MMS22L: variants seen among roughly 807,000 people sequenced by gnomAD.
MMS22L encodes the protein MMS22 like, DNA repair protein.
In MMS22L, 74 loss-of-function variants were observed where a neutral mutation model predicts 159.1. That is an observed-to-expected ratio of 0.47 (90% CI 0.39 to 0.56). The LOEUF is 0.56. MMS22L is among the 20% of genes least tolerant of loss of function. The pLI is 0.00. For missense variants in MMS22L, 1,351 were observed against 1,422.1 expected, an observed-to-expected ratio of 0.95 and a Z score of 0.80; for synonymous variants, 517 against 506.9, an observed-to-expected ratio of 1.02 and a Z score of -0.27.
At chr6:97,232,447 G>A (rs1208981892) in intron 12 of MMS22L, among the ~76,000 whole-genome samples, 1 of 152,094 alleles carries the variant, frequency 6.6e-6, no homozygotes, top group Non-Finnish European at 1.5e-5. Context: ...AGAATTAGGT[G>A]TTTCTTTTTT....
chr6:97,263,250 T>C (rs1814689553), intron 9 of MMS22L, 85 bp downstream of exon 9: 3 of 821,178 alleles, frequency 3.7e-6, no homozygotes, highest in East Asian at 2.7e-5. Context: ...AAAAAGGAAG[T>C]TAAGATTTTT....
chr6:97,149,038 T>A (rs1801064718), intron 24 of MMS22L, among the ~76,000 whole-genome samples: 1 of 152,218 alleles, frequency 6.6e-6, no homozygotes, highest in Admixed American at 6.5e-5. Context: ...CAGTAACATG[T>A]TATACAAGTT....
chr6:97,194,151 G>A, intron 14 of MMS22L, among the ~76,000 whole-genome samples: 1 of 152,054 alleles, frequency 6.6e-6, no homozygotes, highest in East Asian at 1.9e-4. Context: ...TCCACCTCCT[G>A]GGTTCAAGCA....
intron 20 of MMS22L, 143 bp downstream of exon 20, chr6:97,167,928 T>C (rs977470971): frequency 1.2e-5 from 9 of 767,302 alleles, no homozygotes; most frequent in Non-Finnish European, 1.8e-5. Context: ...TAAAAGCAAT[T>C]TAAAATATGT....
chr6:97,151,116 C>T (rs1278497509), intron 23 of MMS22L, among the ~76,000 whole-genome samples: 1 of 152,158 alleles, frequency 6.6e-6, no homozygotes, highest in Admixed American at 6.6e-5. Context: ...GTCTGAAGGC[C>T]TGTGTACCTG....
In MMS22L at chr6:97,239,287, C is replaced by A. The variant is rs189138552; in HGVS notation, c.1183-5307G>T. The stretch of plus-strand genomic sequence containing the variant: ...AAAAATCAAAATAATTTTTTAAAAT[C>A]AGGCTTACTTTTTAAATACCCTTCC... On this transcript the variant is annotated intron_variant, in intron 11 of 24. Transcript: ENST00000683635. Among the ~76,000 whole-genome samples, 361 of 152,280 alleles carry A rather than the reference C, an allele frequency of 2.4e-3. 2 individuals are homozygous for A. Among genetic ancestry groups the A allele is most frequent in the Admixed American group, 4.3e-3 (65 of 15,292 alleles).
chr6:97,161,073 C>T lies in MMS22L; in HGVS notation c.3385+929G>A, dbSNP rs1485858376. ...ATCTGACTGCTCTCACTGGCAGTTC[C>T]TGTGGCCTGCTTTTATTCTCAGTAT... is the stretch of plus-strand genomic sequence containing the variant. On this transcript the variant is annotated intron_variant, in intron 22 of 24. Coordinates refer to ENST00000683635, the MANE Select transcript of MMS22L (RefSeq NM_001350599.2). Among the ~76,000 whole-genome samples the T allele has an allele frequency of 5.9e-5, 9 of 152,128 alleles. No individual in the cohort carries two copies. In the East Asian group the frequency reaches 1.4e-3, roughly 23 times the overall value.
intron 3 of MMS22L, among the ~76,000 whole-genome samples, chr6:97,279,167 C>A (rs1379688606): frequency 1.3e-5 from 2 of 152,176 alleles, no homozygotes; most frequent in Admixed American, 1.3e-4. Flanking sequence ...TAGCCTTCAC[C>A]ATCAGCAAGA....
intron 19 of MMS22L, among the ~76,000 whole-genome samples, chr6:97,168,528 C>T (rs572658385): frequency 3.3e-5 from 5 of 152,072 alleles, no homozygotes; most frequent in Middle Eastern, 3.4e-3. Context: ...AAATCTGAAA[C>T]GCTCCAAAAT....
At chr6:97,269,838 T>C (rs918293715) in intron 7 of MMS22L, 64 bp downstream of exon 7, 22 of 1,191,916 alleles carry the variant, frequency 1.8e-5, no homozygotes, top group Admixed American at 4.2e-5. Flanking sequence ...ATTACTTATG[T>C]AATTTTAAAA....
Position 97,280,714 on chromosome 6 carries a change from G to C in MMS22L, c.290+523C>G, listed in dbSNP as rs571032055. Reference sequence around the variant, plus strand: ...CCTAGGATTTCCTTACAAATACTTAGGCCAAAAGAAGAGGAGACAAGACAG... The same window carrying C: ...CCTAGGATTTCCTTACAAATACTTACGCCAAAAGAAGAGGAGACAAGACAG... On this transcript the variant is annotated intron_variant, in intron 3 of 24. Transcript: ENST00000683635. Among the ~76,000 whole-genome samples the C allele has an allele frequency of 7.9e-5, 12 of 152,162 alleles. No individual in the cohort carries two copies. The East Asian group carries it at 2.3e-3, about 29-fold the overall frequency.
At chr6:97,279,744 C>A (rs954169053) in intron 3 of MMS22L, among the ~76,000 whole-genome samples, 2 of 151,354 alleles carry the variant, frequency 1.3e-5, no homozygotes, top group Non-Finnish European at 2.9e-5. Flanking sequence ...CAAGATCACC[C>A]CACTGCACTC....
At chr6:97,265,680 C>T (rs145925893) in intron 8 of MMS22L, 1 of 149,956 alleles carries the variant, frequency 6.7e-6, no homozygotes, top group Non-Finnish European at 1.5e-5. Context: ...AACCCAATTA[C>T]AAAATTGGCA....
rs780383103 is a variant in MMS22L, at chr6:97,269,996, T to C, written c.607-4A>G. 5.6e-6 allele frequency: 9 copies of C among 1,606,732 alleles called. No homozygotes were observed. The African/African-American group carries it at 8.0e-5, about 14-fold the overall frequency. On this transcript the variant is annotated splice_polypyrimidine_tract_variant and splice_region_variant and intron_variant, in intron 6 of 24. Transcript: ENST00000683635. ...AATGCCATGACGGTGGAAAAAGCTG[T>C]GGATGACATTATCAACTGTGATTGA...
At chr6:97,186,415 GTT>G in intron 15 of MMS22L, 80 bp downstream of exon 15, 1 of 1,195,540 alleles carries the variant, frequency 8.4e-7, no homozygotes, top group South Asian at 1.6e-5. Flanking sequence ...CTATACAAGA[GTT>G]TGTTACTAAG....
chr6:97,279,043 A>G (rs1816503975), intron 3 of MMS22L, 145 bp from the exon 4 acceptor site: 1 of 628,362 alleles, frequency 1.6e-6, no homozygotes, highest in African/African-American at 1.9e-5. Context: ...TGTTAATTAA[A>G]GGATCAGCTT....
chr6:97,185,882 C>T (rs907459539), intron 15 of MMS22L, among the ~76,000 whole-genome samples: 1 of 151,928 alleles, frequency 6.6e-6, no homozygotes, highest in Non-Finnish European at 1.5e-5. Context: ...GCAAAATACC[C>T]CCTTGAGAAG....
In MMS22L at chr6:97,233,896, C is replaced by T; in HGVS notation, c.1267G>A (p.Val423Ile). 2 of 1,609,836 alleles carry T rather than the reference C, an allele frequency of 1.2e-6. No homozygotes were observed. The highest frequency in any genetic ancestry group is 2.2e-5 in the East Asian group (1 of 44,524). Residue 423 changes from valine to isoleucine, a missense_variant, in exon 12 of 25, where the codon GTT (valine) becomes ATT (isoleucine). By Grantham distance (29) the Val-to-Ile change is conservative. Coordinates refer to ENST00000683635, the MANE Select transcript of MMS22L (RefSeq NM_001350599.2). Reference sequence around the variant, plus strand: ...CTATAATATTCCCATAAAATGGTAACAATTGCAATGTTTGGCTCCCAGAAA... The same window carrying T: ...CTATAATATTCCCATAAAATGGTAATAATTGCAATGTTTGGCTCCCAGAAA... ...CDFWEPNIAI[V>I]TILWEYYSKN...
At chr6:97,240,630 A>ATTTT (rs35779472) in intron 11 of MMS22L, among the ~76,000 whole-genome samples, 4 of 147,136 alleles carry the variant, frequency 2.7e-5, no homozygotes, top group Non-Finnish European at 4.5e-5. Flanking sequence ...AAGTATGGTC[A>ATTTT]TTTTTTTTTT....
Sources: allele counts gnomAD v4.1 joint callset (sites outside exome capture counted in the v4.1 genomes callset), GRCh38; gene constraint gnomAD v4.1.1; transcripts MANE v1.5; gene names NCBI Gene and HGNC (gene_info 2026-07-23, HGNC 2026-07-21).